The following NAALADL2 variants were observed in gnomAD, a reference collection of about 807,000 sequenced individuals.
NAALADL2 encodes the protein N-acetylated alpha-linked acidic dipeptidase like 2, also known as inactive N-acetylated-alpha-linked acidic dipeptidase-like protein 2.
NAALADL2 carries 76 observed loss-of-function variants against 87.2 expected under a neutral mutation model. The ratio of observed to expected loss-of-function variants is 0.87; its 90% CI spans 0.72 to 1.05. The LOEUF (loss-of-function observed/expected upper bound fraction) is 1.05. Among genes scored for constraint, NAALADL2 ranks in the 50% least tolerant of loss-of-function variants. The pLI is 0.00. For synonymous variants in NAALADL2, 354 were observed against 331.0 expected (o/e 1.07, Z -0.75); for missense variants, 1,089 against 945.8 (o/e 1.15, Z -1.99).
intron 2 of NAALADL2, among the ~76,000 whole-genome samples, chr3:174,662,112 A>G (rs1484329612): frequency 6.6e-6 from 1 of 152,182 alleles, no homozygotes; most frequent in African/African-American, 2.4e-5. Flanking sequence ...TTACAAAGTT[A>G]TTTTGAAAAT....
chr3:175,107,733 T>C (rs559416521), intron 2 of NAALADL2, among the ~76,000 whole-genome samples: 1 of 151,546 alleles, frequency 6.6e-6, no homozygotes, highest in Non-Finnish European at 1.5e-5. Flanking sequence ...ATGTTCATTA[T>C]TATATTTATT....
chr3:174,873,224 CAT>C (rs1491245560), intron 1 of NAALADL2, among the ~76,000 whole-genome samples: 2 of 137,494 alleles, frequency 1.5e-5, no homozygotes, highest in South Asian at 2.3e-4. Flanking sequence ...TCTCTGTGTA[CAT>C]GTCTTTATTT....
At chr3:175,725,304 A>C (rs1742777339) in intron 11 of NAALADL2, among the ~76,000 whole-genome samples, 1 of 152,110 alleles carries the variant, frequency 6.6e-6, no homozygotes, top group African/African-American at 2.4e-5. Flanking sequence ...ATAAACATAA[A>C]ATTAATCTTT....
intron 4 of NAALADL2, among the ~76,000 whole-genome samples, chr3:175,258,296 C>A (rs1323150912): frequency 7.7e-6 from 1 of 130,560 alleles, no homozygotes; most frequent in African/African-American, 3.0e-5. Context: ...CAACAGAGGG[C>A]GAGACTCCGT....
intron 2 of NAALADL2, among the ~76,000 whole-genome samples, chr3:175,191,708 T>G (rs1738236742): frequency 6.6e-6 from 1 of 152,210 alleles, no homozygotes; most frequent in Non-Finnish European, 1.5e-5. Context: ...TGGTTTTATT[T>G]TATAGCAAGC....
At chr3:174,893,129 C>T (rs1259616374) in intron 1 of NAALADL2, among the ~76,000 whole-genome samples, 3 of 152,012 alleles carry the variant, frequency 2.0e-5, no homozygotes, top group African/African-American at 2.4e-5. Context: ...ACTTTACAGG[C>T]CAGAAGAGTG....
intron 5 of NAALADL2, among the ~76,000 whole-genome samples, chr3:175,354,915 T>C (rs1197463700): frequency 2.0e-5 from 3 of 149,870 alleles, no homozygotes; most frequent in Non-Finnish European, 4.4e-5. Context: ...TATACACACA[T>C]ATATATGTGT....
At chr3:174,887,356 TTTA>T (rs1283917022) in intron 1 of NAALADL2, among the ~76,000 whole-genome samples, 1 of 152,072 alleles carries the variant, frequency 6.6e-6, no homozygotes, top group Non-Finnish European at 1.5e-5. Flanking sequence ...AGATTATATG[TTTA>T]TTAATCTCTT....
chr3:174,821,077 T>C (rs770745999), intron 3 of NAALADL2, among the ~76,000 whole-genome samples: 2 of 152,146 alleles, frequency 1.3e-5, no homozygotes, highest in African/African-American at 4.8e-5. Flanking sequence ...AACCACTGAT[T>C]TGTGGCCCTT....
chr3:175,486,508 G>A (rs945611214), intron 9 of NAALADL2, among the ~76,000 whole-genome samples: 2 of 152,020 alleles, frequency 1.3e-5, no homozygotes, highest in Non-Finnish European at 2.9e-5. Flanking sequence ...TTTGTGTTTT[G>A]AAACTCCACA....
chr3:174,491,621 C>G (rs1718199530), intron 1 of NAALADL2, among the ~76,000 whole-genome samples: 1 of 152,032 alleles, frequency 6.6e-6, no homozygotes, highest in African/African-American at 2.4e-5. Context: ...AATGGATGAG[C>G]CATCAAAGGA....
At chr3:175,424,976 G>A (rs1485535489) in intron 5 of NAALADL2, among the ~76,000 whole-genome samples, 1 of 152,096 alleles carries the variant, frequency 6.6e-6, no homozygotes, top group Non-Finnish European at 1.5e-5. Context: ...AATACATGGT[G>A]GTGAATTCAA....
chr3:175,766,819 A>G (rs1214620255), intron 13 of NAALADL2, among the ~76,000 whole-genome samples: 1 of 152,158 alleles, frequency 6.6e-6, no homozygotes, highest in Non-Finnish European at 1.5e-5. Context: ...TGTTTAGGAG[A>G]TGAAATGCTC....
intron 2 of NAALADL2, among the ~76,000 whole-genome samples, chr3:175,214,949 A>G (rs1040360931): frequency 6.6e-6 from 1 of 152,136 alleles, no homozygotes; most frequent in Non-Finnish European, 1.5e-5. Context: ...ATTTTTGTCA[A>G]TTAATGGGGT....
At chr3:175,562,982 G>T (rs62288390) in intron 9 of NAALADL2, among the ~76,000 whole-genome samples, 19,676 of 151,826 alleles carry the variant, frequency 0.13, 1,378 homozygotes, top group Middle Eastern at 0.17. Context: ...ATGTGTGTGT[G>T]TTGGTTATGT....
chr3:174,859,353 A>C lies in NAALADL2; in HGVS notation c.-55A>C. 1 of 1,333,608 alleles carries C rather than the reference A, an allele frequency of 7.5e-7. No individual in the cohort carries two copies. The highest frequency in any genetic ancestry group is 1.1e-6 in the Non-Finnish European group (1 of 937,428). 82.6% of individuals were successfully genotyped at this position (1,333,608 alleles called of 1,614,324 possible). A position where few individuals can be genotyped will look rare whatever the true frequency, so the allele number is the denominator to read the frequency against. On this transcript the variant is annotated 5_prime_UTR_variant, in exon 1 of 14. Coordinates refer to ENST00000454872, the MANE Select transcript of NAALADL2 (RefSeq NM_207015.3). ...AAAGTCAGAAGGTCACAAAGCTTGCAGGGTAAGTGACACAACTTGAAACTG... is the reference window on the plus strand; with the variant it reads ...AAAGTCAGAAGGTCACAAAGCTTGCCGGGTAAGTGACACAACTTGAAACTG...
chr3:175,455,242 C>T lies in NAALADL2; in HGVS notation c.1234+7870C>T, dbSNP rs9811807. Among the ~76,000 whole-genome samples, 93 of 152,028 alleles carry T rather than the reference C, an allele frequency of 6.1e-4. 1 individual carries two copies. The highest frequency in any genetic ancestry group is 2.0e-3 in the African/African-American group (85 of 41,480). On this transcript the variant is annotated intron_variant, in intron 6 of 13. Transcript: ENST00000454872. ...TGCCTTCAATTGGGTAAACTAAACC[C>T]GAAGCCAAAGAATAAAAGAACCAGG...
chr3:175,142,413 T>C (rs1730131791), intron 2 of NAALADL2, among the ~76,000 whole-genome samples: 1 of 152,066 alleles, frequency 6.6e-6, no homozygotes, highest in South Asian at 2.1e-4. Flanking sequence ...CTATGTATGT[T>C]ACTATATATA....
intron 1 of NAALADL2, among the ~76,000 whole-genome samples, chr3:175,078,888 C>G: frequency 6.6e-6 from 1 of 152,144 alleles, no homozygotes; most frequent in Admixed American, 6.6e-5. Context: ...ATTAATGCTG[C>G]TCTAAAACAT....
Sources: allele counts gnomAD v4.1 joint callset (sites outside exome capture counted in the v4.1 genomes callset), GRCh38; gene constraint gnomAD v4.1.1; transcripts MANE v1.5; gene names NCBI Gene and HGNC (gene_info 2026-07-23, HGNC 2026-07-21).